Variants in NRXN3 observed in about 807,000 individuals in gnomAD.
NRXN3 encodes the protein neurexin 3, also known as neurexin III.
NRXN3 carries 32 observed loss-of-function variants against 137.6 expected under a neutral mutation model. The observed-to-expected ratio is 0.23, with a 90% CI of 0.18 to 0.31. NRXN3 has a LOEUF of 0.31. NRXN3 is among the 10% of genes least tolerant of loss of function. The pLI is 1.00. For synonymous variants in NRXN3, 798 were observed against 784.5 expected, an observed-to-expected ratio of 1.02 and a Z score of -0.29; for missense variants, 1,574 against 2,062.5, an observed-to-expected ratio of 0.76 and a Z score of 4.59.
intron 18 of NRXN3, among the ~76,000 whole-genome samples, chr14:79,696,273 G>A (rs1043901895): frequency 6.6e-6 from 1 of 151,714 alleles, no homozygotes; most frequent in Non-Finnish European, 1.5e-5. Context: ...AAATTATAAA[G>A]CAAAAAGCTT....
At chr14:79,814,025 C>T (rs2099244013) in intron 20 of NRXN3, among the ~76,000 whole-genome samples, 1 of 152,208 alleles carries the variant, frequency 6.6e-6, no homozygotes, top group Admixed American at 6.5e-5. Flanking sequence ...TAACCATGGC[C>T]TCCATCACAA....
chr14:79,043,288 G>A (rs1409718210), intron 15 of NRXN3, among the ~76,000 whole-genome samples: 2 of 152,180 alleles, frequency 1.3e-5, no homozygotes, highest in East Asian at 1.9e-4. Flanking sequence ...TATAATTCTT[G>A]ACAAAAGTCT....
At chr14:78,458,327 G>T (rs2094813763) in intron 4 of NRXN3, among the ~76,000 whole-genome samples, 4 of 152,178 alleles carry the variant, frequency 2.6e-5, no homozygotes, top group Admixed American at 2.6e-4. Flanking sequence ...GGGACTCTTA[G>T]GTGTGAAGTG....
At chr14:79,081,485 G>T (rs2046988778) in intron 15 of NRXN3, among the ~76,000 whole-genome samples, 2 of 152,026 alleles carry the variant, frequency 1.3e-5, no homozygotes, top group Non-Finnish European at 2.9e-5. Context: ...GTGGTGGCAT[G>T]CACCTGTAGT....
chr14:79,046,763 A>C (rs146307616), intron 15 of NRXN3, among the ~76,000 whole-genome samples: 1 of 152,226 alleles, frequency 6.6e-6, no homozygotes, highest in African/African-American at 2.4e-5. Context: ...TGAAAATTAC[A>C]TGAGATAAAA....
chr14:79,192,282 A>C (rs1307550845), intron 15 of NRXN3, among the ~76,000 whole-genome samples: 1 of 152,222 alleles, frequency 6.6e-6, no homozygotes. Flanking sequence ...GAATAATAAT[A>C]GTGCCTTCTT....
At chr14:79,741,284 G>A (rs376796487) in intron 19 of NRXN3, among the ~76,000 whole-genome samples, 9 of 152,090 alleles carry the variant, frequency 5.9e-5, no homozygotes, top group African/African-American at 1.2e-4. Flanking sequence ...ATTTGGTTTC[G>A]TGCTAAATCT....
At chr14:79,753,486 C>T (rs938260163) in intron 19 of NRXN3, among the ~76,000 whole-genome samples, 6 of 145,170 alleles carry the variant, frequency 4.1e-5, no homozygotes, top group East Asian at 4.1e-4. Flanking sequence ...AACAAAACAC[C>T]GCATGTTCTC....
At chr14:78,637,809 T>C (rs1256413274) in intron 4 of NRXN3, among the ~76,000 whole-genome samples, 3 of 152,220 alleles carry the variant, frequency 2.0e-5, no homozygotes, top group African/African-American at 7.2e-5. Flanking sequence ...TTACAATTTC[T>C]TTTTTTTGTA....
chr14:78,759,495 T>TC (rs2098683571), intron 8 of NRXN3, among the ~76,000 whole-genome samples: 1 of 152,318 alleles, frequency 6.6e-6, no homozygotes, highest in African/African-American at 2.4e-5. Flanking sequence ...CATAAATATA[T>TC]CGCTGAGTTC....
In NRXN3 at chr14:78,421,360, A is replaced by T. The variant is rs560819025; in HGVS notation, c.757+123500A>T. 2.0e-3 allele frequency among the ~76,000 whole-genome samples: 303 copies of T among 152,284 alleles called. 1 individual carries two copies. The highest frequency in any genetic ancestry group is 8.3e-3 in the South Asian group (40 of 4,818). On this transcript the variant is annotated intron_variant, in intron 4 of 20. Transcript: ENST00000335750. ...ATTCAAAACAGCAAAAGTTAAAAAT[A>T]AAATAGCGACCAGTTAAAAATATTC...
intron 8 of NRXN3, among the ~76,000 whole-genome samples, chr14:78,762,696 T>C (rs1440017607): frequency 1.3e-5 from 2 of 152,148 alleles, no homozygotes; most frequent in Non-Finnish European, 2.9e-5. Flanking sequence ...AATAATACTG[T>C]TTACCCAAAA....
chr14:79,178,600 G>C (rs2062600593), intron 15 of NRXN3, among the ~76,000 whole-genome samples: 1 of 152,030 alleles, frequency 6.6e-6, no homozygotes, highest in African/African-American at 2.4e-5. Flanking sequence ...ATTTTTTTCT[G>C]TTTCAGACTG....
chr14:78,540,731 G>C (rs1340640594), intron 4 of NRXN3, among the ~76,000 whole-genome samples: 1 of 152,068 alleles, frequency 6.6e-6, no homozygotes, highest in Non-Finnish European at 1.5e-5. Context: ...TTTACAATTT[G>C]GCATGTTTTT....
intron 11 of NRXN3, among the ~76,000 whole-genome samples, chr14:78,961,507 A>G (rs2099408099): frequency 6.6e-6 from 1 of 152,200 alleles, no homozygotes; most frequent in African/African-American, 2.4e-5. Flanking sequence ...AAGTGAAATG[A>G]CCACAACATG....
intron 16 of NRXN3, among the ~76,000 whole-genome samples, chr14:79,495,932 C>T (rs2096761607): frequency 6.7e-6 from 1 of 149,206 alleles, no homozygotes; most frequent in African/African-American, 2.5e-5. Context: ...TCATCTCTAT[C>T]GAGTAGTCAA....
At chr14:79,641,016 GT>G (rs199589727) in intron 16 of NRXN3, among the ~76,000 whole-genome samples, 2 of 130,594 alleles carry the variant, frequency 1.5e-5, no homozygotes, top group Admixed American at 8.2e-5. Flanking sequence ...TAATCTCCAC[GT>G]TTTTTTTTGA....
chr14:79,272,832 A>G (rs747208655), intron 15 of NRXN3, among the ~76,000 whole-genome samples: 1 of 152,210 alleles, frequency 6.6e-6, no homozygotes, highest in Non-Finnish European at 1.5e-5. Flanking sequence ...AGAGAATCCC[A>G]TGAGTTGGGT....
intron 16 of NRXN3, among the ~76,000 whole-genome samples, chr14:79,470,951 AGTGTGTGTGTGTGTGTGTGT>A (rs371413883): frequency 7.7e-5 from 9 of 116,514 alleles, no homozygotes; most frequent in Admixed American, 2.8e-4. Flanking sequence ...AGAGAGAGAG[AGTGTGTGTGTGTGTGTGTGT>A]GTGTGTGTGT....
Sources: allele counts gnomAD v4.1 joint callset (sites outside exome capture counted in the v4.1 genomes callset), GRCh38; gene constraint gnomAD v4.1.1; transcripts MANE v1.5; gene names NCBI Gene and HGNC (gene_info 2026-07-23, HGNC 2026-07-21).